RUNX1: variants seen among roughly 807,000 people sequenced by gnomAD.
RUNX1 encodes runt-related transcription factor 1.
RUNX1 carries 19 observed loss-of-function variants against 42.8 expected under a neutral mutation model. The observed-to-expected ratio is 0.44, with a 90% CI of 0.31 to 0.65. The LOEUF is 0.65. RUNX1 is among the 30% of genes least tolerant of loss of function. RUNX1 has a pLI of 0.07. For synonymous variants in RUNX1, 271 were observed against 289.4 expected, an observed-to-expected ratio of 0.94 and a Z score of 0.64; for missense variants, 528 against 672.0, an observed-to-expected ratio of 0.79 and a Z score of 2.37.
chr21:34,892,906 A>T lies in RUNX1; in HGVS notation c.97+19T>A. On this transcript the variant is annotated intron_variant, in intron 3 of 8. Transcript: ENST00000675419. ...AGGTGTGTACTTTATTTAAAAATAT[A>T]ACTTGGAATTTAACATACCGTGGAC... 1 of 1,444,070 alleles carries T rather than the reference A, an allele frequency of 6.9e-7. No individual in the cohort carries two copies. The highest frequency in any genetic ancestry group is 9.7e-7 in the Non-Finnish European group (1 of 1,027,368). The allele number at this position is 1,444,070 out of a possible 1,614,324, so 89.5% of individuals were successfully genotyped here.
chr21:34,903,978 G>A (rs936917539), intron 2 of RUNX1, among the ~76,000 whole-genome samples: 1 of 151,948 alleles, frequency 6.6e-6, no homozygotes, highest in South Asian at 2.1e-4. Flanking sequence ...TATTGTAATG[G>A]TTACATATTT....
chr21:35,001,405 C>T (rs1220690810), intron 2 of RUNX1, among the ~76,000 whole-genome samples: 1 of 151,260 alleles, frequency 6.6e-6, no homozygotes, highest in African/African-American at 2.4e-5. Context: ...ATTACATTCA[C>T]AATGTTGGCA....
chr21:35,040,253 GA>G (rs942083268), intron 2 of RUNX1, among the ~76,000 whole-genome samples: 7 of 152,190 alleles, frequency 4.6e-5, no homozygotes, highest in African/African-American at 1.7e-4. Context: ...AGCTGTGTAA[GA>G]AAGTGCAGCA....
chr21:34,993,711 ACACACAGG>A lies in RUNX1; in HGVS notation c.58+55123_58+55130del, dbSNP rs1326440912. ...CACACAGGCGCACACACACACAGAC[ACACACAGG>A]CACACACACACAGACACACAGAGAC... On this transcript the variant is annotated intron_variant, in intron 2 of 8. Coordinates refer to ENST00000675419, the MANE Select transcript of RUNX1 (RefSeq NM_001754.5). Among the ~76,000 whole-genome samples the A allele has an allele frequency of 3.4e-3, 461 of 137,246 alleles. 29 individuals carry two copies. Among genetic ancestry groups the A allele is most frequent in the African/African-American group, 0.015 (437 of 28,390 alleles). The allele number at this position is 137,246 out of a possible 152,430, so 90.0% of individuals were successfully genotyped here.
At chr21:34,813,888 G>T (rs1395755264) in intron 7 of RUNX1, among the ~76,000 whole-genome samples, 1 of 151,678 alleles carries the variant, frequency 6.6e-6, no homozygotes, top group East Asian at 2.0e-4. Context: ...ATGGTGAAGG[G>T]ACTCCCCCTA....
Position 34,934,562 on chromosome 21 carries a change from G to A in RUNX1, c.59-41599C>T, listed in dbSNP as rs1270957698. On this transcript the variant is annotated intron_variant, in intron 2 of 8. Transcript: ENST00000675419. ...GGCAGGTGATGGAAGCTTGGCCTTG[G>A]AGGCACCAAGGAGCTAAGAGGACTC... 2.0e-5 allele frequency among the ~76,000 whole-genome samples: 3 copies of A among 152,162 alleles called. No homozygotes were observed. The South Asian group carries it at 6.2e-4, about 32-fold the overall frequency.
intron 2 of RUNX1, among the ~76,000 whole-genome samples, chr21:34,977,925 A>ATT (rs140996531): frequency 6.9e-6 from 1 of 145,022 alleles, no homozygotes; most frequent in Non-Finnish European, 1.5e-5. Context: ...AGTAAACAGC[A>ATT]TTTTTTTTTT....
chr21:35,036,351 A>G (rs898708276), intron 2 of RUNX1, among the ~76,000 whole-genome samples: 1 of 152,192 alleles, frequency 6.6e-6, no homozygotes, highest in African/African-American at 2.4e-5. Context: ...AGATGTTTGC[A>G]GAGCAGCCGT....
intron 5 of RUNX1, among the ~76,000 whole-genome samples, chr21:34,860,591 G>T (rs1302418896): frequency 1.3e-5 from 2 of 152,044 alleles, no homozygotes; most frequent in African/African-American, 4.8e-5. Flanking sequence ...TTTCTCACGG[G>T]TCTATAATAG....
At chr21:34,905,617 T>C (rs1279454562) in intron 2 of RUNX1, among the ~76,000 whole-genome samples, 3 of 152,358 alleles carry the variant, frequency 2.0e-5, no homozygotes, top group Middle Eastern at 3.4e-3. Flanking sequence ...TAACTTGTCA[T>C]CTTTAAAGTG....
chr21:35,008,383 A>T (rs1341734429), intron 2 of RUNX1, among the ~76,000 whole-genome samples: 1 of 152,166 alleles, frequency 6.6e-6, no homozygotes, highest in Non-Finnish European at 1.5e-5. Context: ...ACTAGCATCA[A>T]CTTCCAGCCA....
chr21:34,792,308 A>C lies in RUNX1; in HGVS notation c.1270T>G (p.Ser424Ala), dbSNP rs2056451534. 2.7e-3 allele frequency: 3,159 copies of C among 1,152,872 alleles called. No homozygotes were observed. The highest frequency in any genetic ancestry group is 0.011 in the East Asian group (255 of 24,222). The allele number at this position is 1,152,872 out of a possible 1,614,324, so 71.4% of individuals were successfully genotyped here. A position where few individuals can be genotyped will look rare whatever the true frequency, so the allele number is the denominator to read the frequency against. ...YQFSMVGGER[S>A]PPRILPPCTN... is the part of the protein sequence containing the mutation. ...CAGGGCGGCAGGATGCGCGGCGGCG[A>C]GCGCTCGCCGCCCACCATGGAGAAC... Residue 424 changes from serine (S) to alanine (A), a missense_variant, in exon 9 of 9, where the codon TCG becomes GCG. By Grantham distance (99) the Ser-to-Ala change is moderately conservative. Around this residue, in one of 3 missense-constraint regions of RUNX1, gnomAD observed 331 missense variants for 382.5 expected, o/e 0.87. Transcript: ENST00000675419. The surrounding 1 kb of genome is among the most constrained non-coding windows in gnomAD (Gnocchi z 6.9).
rs564166980 is a variant in RUNX1, at chr21:34,958,023, T to A, written c.59-65060A>T. 5.4e-4 allele frequency among the ~76,000 whole-genome samples: 83 copies of A among 152,318 alleles called. 1 individual carries two copies. Among genetic ancestry groups the A allele is most frequent in the African/African-American group, 1.9e-3 (80 of 41,556 alleles). On this transcript the variant is annotated intron_variant, in intron 2 of 8. Coordinates refer to ENST00000675419, the MANE Select transcript of RUNX1 (RefSeq NM_001754.5). Reference sequence around the variant, plus strand: ...CTTGTAAAGGATGGCGGTAAAATAATAACTCCTTCTAGTTCATCTTTTTTG... The same window carrying A: ...CTTGTAAAGGATGGCGGTAAAATAAAAACTCCTTCTAGTTCATCTTTTTTG...
rs2145879409 is a variant in RUNX1, at chr21:34,792,708, C to G, written c.968-98G>C. The G allele has an allele frequency of 2.4e-6, 3 of 1,237,536 alleles. No homozygotes were observed. The highest frequency in any genetic ancestry group is 3.0e-5 in the South Asian group (2 of 66,230). 76.7% of individuals were successfully genotyped at this position (1,237,536 alleles called of 1,614,324 possible). A position where few individuals can be genotyped will look rare whatever the true frequency, so the allele number is the denominator to read the frequency against. On this transcript the variant is annotated intron_variant, in intron 8 of 8. Transcript: ENST00000675419. The surrounding 1 kb of genome is among the most constrained non-coding windows in gnomAD (Gnocchi z 6.9). Reference sequence around the variant, plus strand: ...CAGGGGGCTACCCAGGATGATACCGCCTAGGAGGATGGGAAGCCACCCAGG... The same window carrying G: ...CAGGGGGCTACCCAGGATGATACCGGCTAGGAGGATGGGAAGCCACCCAGG...
At chr21:34,971,452 T>C (rs556429530) in intron 2 of RUNX1, among the ~76,000 whole-genome samples, 2 of 152,166 alleles carry the variant, frequency 1.3e-5, no homozygotes, top group Non-Finnish European at 2.9e-5. Context: ...GAAGGTACTT[T>C]ACTATCTGGA....
chr21:35,038,689 G>A (rs1200821952), intron 2 of RUNX1: 3 of 455,686 alleles, frequency 6.6e-6, no homozygotes, highest in Admixed American at 2.4e-5. Context: ...TTTCTCCTGA[G>A]AGGCCACTTC....
intron 2 of RUNX1, among the ~76,000 whole-genome samples, chr21:34,973,014 G>C (rs1314637636): frequency 6.6e-6 from 1 of 152,168 alleles, no homozygotes; most frequent in Non-Finnish European, 1.5e-5. Flanking sequence ...GAGAGCTCTT[G>C]TTGTGTACTT....
chr21:34,922,088 C>T (rs9982324), intron 2 of RUNX1, among the ~76,000 whole-genome samples: 20,911 of 152,138 alleles, frequency 0.14, 2,013 homozygotes, highest in African/African-American at 0.28. Context: ...ACTTGATGGC[C>T]GCCCAGCATG....
chr21:34,990,952 A>G (rs2058932601), intron 2 of RUNX1, among the ~76,000 whole-genome samples: 1 of 152,200 alleles, frequency 6.6e-6, no homozygotes, highest in African/African-American at 2.4e-5. Context: ...TAACTTTTTC[A>G]TAGAAACATC....
Sources: gnomAD v4.1 joint callset for allele counts (sites outside exome capture counted in the v4.1 genomes callset) on GRCh38, gnomAD v4.1.1 for gene constraint, gnomAD v4.1.1 regional missense constraint, Gnocchi (gnomAD v3.1) non-coding constraint, MANE v1.5 for transcripts, NCBI Gene and HGNC (gene_info 2026-07-23, HGNC 2026-07-21) for gene names.